TTC7A: variants seen among roughly 807,000 people sequenced by gnomAD.
TTC7A encodes the protein tetratricopeptide repeat domain 7A, also known as tetratricopeptide repeat protein 7A.
In TTC7A, 110 loss-of-function variants were observed where a neutral mutation model predicts 103.7. The ratio of observed to expected loss-of-function variants is 1.06; its 90% CI spans 0.91 to 1.24. TTC7A has a LOEUF of 1.24. TTC7A is among the 50% of genes most tolerant of loss of function. The pLI, the probability that TTC7A is intolerant of heterozygous loss-of-function variation, is 0.00. For missense variants in TTC7A, 1,340 were observed against 1,116.3 expected (o/e 1.20, Z -2.86); for synonymous variants, 521 against 467.9 (o/e 1.11, Z -1.47).
intron 3 of TTC7A, among the ~76,000 whole-genome samples, chr2:46,965,031 C>G (rs1016137632): frequency 6.6e-6 from 1 of 152,206 alleles, no homozygotes; most frequent in Non-Finnish European, 1.5e-5. Flanking sequence ...TGCACATGAA[C>G]TGTGCAGTGC....
chr2:46,940,306 G>C (rs1440407114), upstream of TTC7A, among the ~76,000 whole-genome samples: 1 of 152,194 alleles, frequency 6.6e-6, no homozygotes, highest in Non-Finnish European at 1.5e-5. The surrounding 1 kb of genome is among the most constrained non-coding windows in gnomAD (Gnocchi z 4.7). Flanking sequence ...CTTCAGTCTG[G>C]ACCATACAAT....
intron 18 of TTC7A, among the ~76,000 whole-genome samples, chr2:47,058,798 CTGAAATG>C (rs1683527471): frequency 6.6e-6 from 1 of 152,134 alleles, no homozygotes; most frequent in African/African-American, 2.4e-5. Flanking sequence ...CCACGTGGGT[CTGAAATG>C]TGTGTGTGTG....
chr2:47,070,376 A>G (rs1044272197), intron 19 of TTC7A, among the ~76,000 whole-genome samples: 1 of 152,224 alleles, frequency 6.6e-6, no homozygotes, highest in Non-Finnish European at 1.5e-5. Flanking sequence ...CCACGTGGGC[A>G]GCATCCCTGA....
In TTC7A at chr2:47,050,057, G is replaced by A. The variant is rs1682718106; in HGVS notation, c.2017+11G>A. On this transcript the variant is annotated intron_variant, in intron 17 of 19. Coordinates refer to ENST00000319190, the MANE Select transcript of TTC7A (RefSeq NM_020458.4). ...ATGATGCAGACTCTGGTAAGAACGA[G>A]CTCCTTGGGCCACTGTGTGCATGGA... 1.9e-6 allele frequency: 3 copies of A among 1,607,074 alleles called. No individual in the cohort carries two copies. Among genetic ancestry groups the A allele is most frequent in the Non-Finnish European group, 8.5e-7 (1 of 1,173,898 alleles).
chr2:46,995,442 G>C (rs143705055), intron 8 of TTC7A, among the ~76,000 whole-genome samples: 1 of 152,348 alleles, frequency 6.6e-6, no homozygotes, highest in Non-Finnish European at 1.5e-5. Context: ...GAGACTGAGT[G>C]CCTAAGTCCC....
chr2:47,006,122 A>G (rs369915216), intron 9 of TTC7A, 63 bp downstream of exon 9: 1 of 1,584,012 alleles, frequency 6.3e-7, no homozygotes, highest in African/African-American at 1.3e-5. Context: ...AGGAAATCAG[A>G]CAGAGCCATT....
At chr2:47,018,887 C>G (rs1273684579) in intron 11 of TTC7A, among the ~76,000 whole-genome samples, 3 of 152,092 alleles carry the variant, frequency 2.0e-5, no homozygotes, top group African/African-American at 7.2e-5. Context: ...AGTGACCAGC[C>G]TAGGATTTGG....
chr2:46,938,840 G>A (rs1361495817), upstream of TTC7A, among the ~76,000 whole-genome samples: 7 of 151,548 alleles, frequency 4.6e-5, no homozygotes, highest in South Asian at 6.3e-4. Flanking sequence ...AGTGAAACCC[G>A]TCTCTACTAA....
intron 3 of TTC7A, among the ~76,000 whole-genome samples, chr2:46,960,959 T>C: frequency 6.6e-6 from 1 of 152,258 alleles, no homozygotes; most frequent in East Asian, 1.9e-4. Context: ...TGGCATTTGC[T>C]TTCCCAGGGC....
chr2:47,061,025 T>C, intron 19 of TTC7A, 54 bp downstream of exon 19: 1 of 1,501,508 alleles, frequency 6.7e-7, no homozygotes, highest in Admixed American at 2.0e-5. Context: ...CTCAGGGCCC[T>C]TATCCCGCTT....
At chr2:47,022,365 T>C (rs1679385526) in intron 12 of TTC7A, among the ~76,000 whole-genome samples, 1 of 152,204 alleles carries the variant, frequency 6.6e-6, no homozygotes, top group African/African-American at 2.4e-5. Flanking sequence ...TAGGCCTGCC[T>C]TTAACCTCAG....
At chr2:47,042,675 AGTGTGTGTGTGTGT>A (rs10587096) in intron 15 of TTC7A, among the ~76,000 whole-genome samples, 1 of 148,398 alleles carries the variant, frequency 6.7e-6, no homozygotes, top group African/African-American at 2.5e-5. Flanking sequence ...CTGAGCCCCA[AGTGTGTGTGTGTGT>A]GTGTGTGTGT....
At chr2:47,032,940 G>A (rs1680722995) in intron 15 of TTC7A, among the ~76,000 whole-genome samples, 2 of 151,604 alleles carry the variant, frequency 1.3e-5, no homozygotes, top group Non-Finnish European at 2.9e-5. Flanking sequence ...GGCTGGGGTG[G>A]GGCTGAGAAG....
At chr2:46,961,477 T>C (rs988207163) in intron 3 of TTC7A, among the ~76,000 whole-genome samples, 13 of 151,682 alleles carry the variant, frequency 8.6e-5, no homozygotes, top group Non-Finnish European at 1.5e-4. Context: ...CTCAGGAGGC[T>C]GAGGCAGGAG....
At chr2:47,070,609 G>T (rs1033285968) in intron 19 of TTC7A, among the ~76,000 whole-genome samples, 1 of 152,190 alleles carries the variant, frequency 6.6e-6, no homozygotes, top group Non-Finnish European at 1.5e-5. Context: ...CGGTTGTGTG[G>T]TCAGGAGGAG....
chr2:46,975,994 C>G (rs980373884), intron 4 of TTC7A, among the ~76,000 whole-genome samples: 11 of 152,206 alleles, frequency 7.2e-5, no homozygotes, highest in African/African-American at 2.4e-4. Flanking sequence ...GCCTCAGCCT[C>G]CCAAAGTGCT....
intron 15 of TTC7A, among the ~76,000 whole-genome samples, chr2:47,042,284 T>G (rs966040063): frequency 2.6e-5 from 4 of 152,104 alleles, no homozygotes; most frequent in African/African-American, 9.7e-5. Context: ...GGAGGATCAT[T>G]TGAGCCCAGG....
intron 18 of TTC7A, among the ~76,000 whole-genome samples, chr2:47,054,858 G>A (rs1482504466): frequency 3.3e-5 from 5 of 151,448 alleles, no homozygotes; most frequent in Admixed American, 6.6e-5. Context: ...AAAGTCAGGG[G>A]ATCTATCCTG....
At chr2:47,006,195 G>T (rs1454483969) in intron 9 of TTC7A, 136 bp downstream of exon 9, 1 of 1,117,738 alleles carries the variant, frequency 8.9e-7, no homozygotes, top group Non-Finnish European at 1.2e-6. Flanking sequence ...TCGGCAAGTT[G>T]TACAAGTCTC....
Sources: allele counts gnomAD v4.1 joint callset (sites outside exome capture counted in the v4.1 genomes callset), GRCh38; gene constraint gnomAD v4.1.1; non-coding constraint Gnocchi (gnomAD v3.1); transcripts MANE v1.5; gene names NCBI Gene and HGNC (gene_info 2026-07-23, HGNC 2026-07-21).